KIAA0513: variants seen among roughly 807,000 people sequenced by gnomAD.
The protein encoded by KIAA0513 is uncharacterized protein KIAA0513.
Under a neutral mutation model 56.5 loss-of-function variants are expected in KIAA0513, and 39 were observed. The observed-to-expected ratio is 0.69, with a 90% CI of 0.53 to 0.90. The LOEUF (loss-of-function observed/expected upper bound fraction) is 0.90, where lower values mean the gene tolerates loss of function less well. KIAA0513 is among the 40% of genes least tolerant of loss of function. The probability of loss-of-function intolerance (pLI) is 0.00; values close to 1 mark genes in which losing one functional copy is unlikely to be tolerated. For missense variants in KIAA0513, 591 were observed against 535.2 expected (o/e 1.10, Z -1.03); for synonymous variants, 268 against 215.6 (o/e 1.24, Z -2.13).
intron 1 of KIAA0513, among the ~76,000 whole-genome samples, chr16:85,029,050 C>G (rs1252032570): frequency 1.3e-5 from 2 of 152,192 alleles, no homozygotes; most frequent in East Asian, 1.9e-4. Context: ...TTCCTGTCTT[C>G]CCCCCATTTC....
intron 1 of KIAA0513, among the ~76,000 whole-genome samples, chr16:85,046,362 G>A (rs577525661): frequency 2.0e-5 from 3 of 152,266 alleles, no homozygotes; most frequent in South Asian, 4.1e-4. Context: ...GAAGAACCAC[G>A]GAAAAACTTG....
At chr16:85,033,096 A>G (rs140178771) in intron 1 of KIAA0513, among the ~76,000 whole-genome samples, 37 of 152,276 alleles carry the variant, frequency 2.4e-4, no homozygotes, top group African/African-American at 8.4e-4. Flanking sequence ...GTGCTCAGTT[A>G]TTTTTAGGGA....
In KIAA0513 at chr16:85,062,207, C is replaced by T. The variant is rs887176539; in HGVS notation, c.-172-4693C>T. On this transcript the variant is annotated intron_variant, in intron 1 of 12. Transcript: ENST00000683363. ...CCCCTCTCCCTGCCCCTGGTACGTA[C>T]GTAAACACACACACACACACACACA... Among the ~76,000 whole-genome samples the T allele has an allele frequency of 3.7e-5, 5 of 135,606 alleles. No individual in the cohort carries two copies. In the South Asian group the frequency reaches 9.5e-4, roughly 26 times the overall value. The allele number at this position is 135,606 out of a possible 152,430, so 89.0% of individuals were successfully genotyped here.
chr16:85,060,125 T>C (rs1182774336), intron 1 of KIAA0513, among the ~76,000 whole-genome samples: 3 of 152,156 alleles, frequency 2.0e-5, no homozygotes, highest in Admixed American at 6.5e-5. Flanking sequence ...CAGGCCTGGC[T>C]AATTTTTGTA....
At chr16:85,029,326 T>A (rs1398807322) in intron 1 of KIAA0513, among the ~76,000 whole-genome samples, 3 of 152,236 alleles carry the variant, frequency 2.0e-5, no homozygotes, top group Non-Finnish European at 4.4e-5. Flanking sequence ...TTTCTGGCCC[T>A]GTTTGCCTTT....
intron 1 of KIAA0513, among the ~76,000 whole-genome samples, chr16:85,056,632 TC>T (rs1310640503): frequency 1.3e-5 from 2 of 152,166 alleles, no homozygotes; most frequent in African/African-American, 4.8e-5. Context: ...CGGGCCGCGC[TC>T]GCCGAGAGCC....
At chr16:85,057,210 C>G (rs889658029) in intron 1 of KIAA0513, among the ~76,000 whole-genome samples, 4 of 152,200 alleles carry the variant, frequency 2.6e-5, no homozygotes, top group African/African-American at 9.7e-5. Context: ...GGCGTGTACA[C>G]TTTCATGCAG....
At chr16:85,030,880 G>A (rs2072955358) in intron 1 of KIAA0513, among the ~76,000 whole-genome samples, 2 of 152,148 alleles carry the variant, frequency 1.3e-5, no homozygotes, top group African/African-American at 2.4e-5. Flanking sequence ...GCCAGTAAAT[G>A]TTTCGGCAAG....
At chr16:85,044,316 G>A (rs559753409) in intron 1 of KIAA0513, among the ~76,000 whole-genome samples, 1 of 151,976 alleles carries the variant, frequency 6.6e-6, no homozygotes, top group Non-Finnish European at 1.5e-5. Context: ...CATGTCGAGT[G>A]TCCCCTGTGT....
In KIAA0513 at chr16:85,078,979, C is replaced by T. The variant is rs765234144; in HGVS notation, c.878C>T (p.Thr293Met). ...EKKGEKIYLY[T>M]HLKQQPIWHT... ...AAGGGGGAGAAGATCTACCTGTACACGCACCTGAAGCAACAGCCCATCTGG... is the reference window on the plus strand; with the variant it reads ...AAGGGGGAGAAGATCTACCTGTACATGCACCTGAAGCAACAGCCCATCTGG... Residue 293 changes from threonine to methionine, a missense_variant, in exon 8 of 13, where the codon ACG becomes ATG. Transcript: ENST00000683363. The T allele has an allele frequency of 7.4e-6, 12 of 1,614,080 alleles. No homozygotes were observed. The highest frequency in any genetic ancestry group is 1.6e-4 in the Middle Eastern group (1 of 6,084).
intron 1 of KIAA0513, among the ~76,000 whole-genome samples, chr16:85,054,829 A>C (rs544917873): frequency 6.6e-6 from 1 of 152,210 alleles, no homozygotes; most frequent in African/African-American, 2.4e-5. Flanking sequence ...AGGGGATGGC[A>C]ATGTTGTACG....
intron 1 of KIAA0513, among the ~76,000 whole-genome samples, chr16:85,041,117 T>C (rs1305123748): frequency 2.0e-5 from 3 of 152,208 alleles, no homozygotes; most frequent in Non-Finnish European, 4.4e-5. Context: ...ATTATATATG[T>C]TTCAGTTTTA....
intron 8 of KIAA0513, among the ~76,000 whole-genome samples, chr16:85,080,938 C>G (rs1481594264): frequency 6.6e-6 from 1 of 152,244 alleles, no homozygotes; most frequent in African/African-American, 2.4e-5. Flanking sequence ...ACCTTCCCAG[C>G]CCTCTGCTTC....
At chr16:85,083,351 G>A (rs949154052) in intron 10 of KIAA0513, among the ~76,000 whole-genome samples, 4 of 152,160 alleles carry the variant, frequency 2.6e-5, no homozygotes, top group Admixed American at 6.5e-5. Context: ...GAGGATTCAT[G>A]AAGTTGCCTC....
chr16:85,050,505 A>G lies in KIAA0513; in HGVS notation c.-172-16395A>G, dbSNP rs528839923. ...TAATTTTTGTATTTTTAGTAGAGAC[A>G]GGGTTTCACCATGTTGGCCAGGCTG... On this transcript the variant is annotated intron_variant, in intron 1 of 12. Transcript: ENST00000683363. 4.3e-4 allele frequency among the ~76,000 whole-genome samples: 65 copies of G among 152,120 alleles called. 1 individual carries two copies. The East Asian group carries it at 9.1e-3, about 21-fold the overall frequency.
intron 1 of KIAA0513, among the ~76,000 whole-genome samples, chr16:85,043,808 G>A (rs978479064): frequency 6.3e-4 from 96 of 152,284 alleles, no homozygotes; most frequent in African/African-American, 2.0e-3. Flanking sequence ...CGAAGCGGGC[G>A]GATCACCTGA....
intron 1 of KIAA0513, among the ~76,000 whole-genome samples, chr16:85,037,400 G>A (rs2073049369): frequency 6.6e-6 from 1 of 152,122 alleles, no homozygotes; most frequent in Admixed American, 6.5e-5. Context: ...GATACAAAAT[G>A]GGACCCTGAA....
rs1162941025 is a variant in KIAA0513 at position 85,076,047 on chromosome 16, G to A, written c.574+133G>A. 4.4e-6 allele frequency: 3 copies of A among 675,550 alleles called. No homozygotes were observed. The highest frequency in any genetic ancestry group is 3.4e-5 in the South Asian group (2 of 58,946). 41.8% of individuals were successfully genotyped at this position (675,550 alleles called of 1,614,324 possible). ...CAGAGAACAGAGGAAGCTGATGTTA[G>A]GGAGGAGTGAGACTTCGGAGAAAAC... On this transcript the variant is annotated intron_variant, in intron 5 of 12. Coordinates refer to ENST00000683363, the MANE Select transcript of KIAA0513 (RefSeq NM_001388359.1). The surrounding 1 kb of genome is among the most constrained non-coding windows in gnomAD (Gnocchi z 4.7).
rs2073219158 is a variant in KIAA0513 at position 85,049,539 on chromosome 16, TC to T, written c.-172-17359del. On this transcript the variant is annotated intron_variant, in intron 1 of 12. Coordinates refer to ENST00000683363, the MANE Select transcript of KIAA0513 (RefSeq NM_001388359.1). Reference sequence around the variant, plus strand: ...TTTAGTGCCATCCCCCTTGGCACTGTCCTCGAGATAGCGAGTTCTCATGAGA... The same window carrying T: ...TTTAGTGCCATCCCCCTTGGCACTGTCTCGAGATAGCGAGTTCTCATGAGA... Among the ~76,000 whole-genome samples the T allele has an allele frequency of 2.6e-5, 4 of 152,322 alleles. No individual in the cohort carries two copies. In the South Asian group the frequency reaches 8.3e-4, roughly 32 times the overall value.
Sources: gnomAD v4.1 joint callset for allele counts (sites outside exome capture counted in the v4.1 genomes callset) on GRCh38, gnomAD v4.1.1 for gene constraint, Gnocchi (gnomAD v3.1) non-coding constraint, MANE v1.5 for transcripts, NCBI Gene and HGNC (gene_info 2026-07-23, HGNC 2026-07-21) for gene names.